SLAIN2: variants seen among roughly 807,000 people sequenced by gnomAD.
The protein encoded by SLAIN2 is SLAIN motif-containing protein 2.
SLAIN2 carries 31 observed loss-of-function variants against 56.6 expected under a neutral mutation model. The observed-to-expected ratio is 0.55, with a 90% CI of 0.41 to 0.74. SLAIN2 has a LOEUF of 0.74. Ranked by LOEUF, SLAIN2 falls within the 30% of genes least tolerant of loss-of-function variation. The pLI is 0.00. For missense variants in SLAIN2, 777 were observed against 754.2 expected (o/e 1.03, Z -0.35); for synonymous variants, 317 against 284.9 (o/e 1.11, Z -1.13).
chr4:48,353,481 A>T (rs1229583002), intron 1 of SLAIN2, among the ~76,000 whole-genome samples: 2 of 151,926 alleles, frequency 1.3e-5, no homozygotes, highest in Non-Finnish European at 2.9e-5. Context: ...AAAAAAGGAA[A>T]CTTTTTTTTT....
intron 2 of SLAIN2, among the ~76,000 whole-genome samples, chr4:48,375,376 GA>G (rs1715784654): frequency 6.6e-6 from 1 of 152,086 alleles, no homozygotes; most frequent in Admixed American, 6.5e-5. Context: ...TAACTAAACA[GA>G]AAACATATGT....
At chr4:48,362,393 CTCTCTG>C (rs1242940103) in intron 1 of SLAIN2, among the ~76,000 whole-genome samples, 3 of 151,048 alleles carry the variant, frequency 2.0e-5, no homozygotes, top group African/African-American at 7.3e-5. Flanking sequence ...TTCTCTCTCT[CTCTCTG>C]TCTCTGTCTC....
In SLAIN2 at chr4:48,382,770, G is replaced by C. The variant is rs758619571; in HGVS notation, c.1065G>C (p.Lys355Asn). The change falls in exon 5 of 8, where the codon AAG (lysine) becomes AAC (asparagine). Residue 355 changes from lysine (K) to asparagine (N), a missense_variant. Physicochemically the swap from Lys to Asn is moderately conservative, Grantham distance 94 (BLOSUM62 0). Transcript: ENST00000264313. ...GCAATTCACCTCGACCGTCACCTAA[G>C]CAGTCACCCAGAAATTCACCTCGTT... ...SPRNSPRPSP[K>N]QSPRNSPRSR... is the part of the protein sequence containing the mutation. The C allele has an allele frequency of 6.2e-7, 1 of 1,613,688 alleles. No homozygotes were observed. The highest frequency in any genetic ancestry group is 1.1e-5 in the South Asian group (1 of 91,076).
intron 6 of SLAIN2, among the ~76,000 whole-genome samples, chr4:48,387,075 T>C (rs1245771695): frequency 6.6e-6 from 1 of 152,156 alleles, no homozygotes; most frequent in Non-Finnish European, 1.5e-5. Flanking sequence ...CCAAACAGCA[T>C]CCCAGATACT....
At chr4:48,395,355 T>G (rs1017497868) in intron 6 of SLAIN2, among the ~76,000 whole-genome samples, 2 of 152,024 alleles carry the variant, frequency 1.3e-5, no homozygotes, top group African/African-American at 4.8e-5. Context: ...GGTTTTCTGA[T>G]AGCTTTAGAT....
chr4:48,361,028 T>C (rs1405040636), intron 1 of SLAIN2, among the ~76,000 whole-genome samples: 3 of 152,228 alleles, frequency 2.0e-5, no homozygotes, highest in Non-Finnish European at 4.4e-5. Context: ...TAGTCTCTTA[T>C]TAGAATGGGC....
intron 1 of SLAIN2, among the ~76,000 whole-genome samples, chr4:48,354,136 T>TA (rs371083135): frequency 3.4e-5 from 5 of 148,714 alleles, no homozygotes; most frequent in Non-Finnish European, 3.0e-5. Context: ...ACTTTCAAAT[T>TA]AAAAAAAAAA....
intron 6 of SLAIN2, among the ~76,000 whole-genome samples, chr4:48,391,943 T>C (rs1264741038): frequency 6.6e-6 from 1 of 152,230 alleles, no homozygotes; most frequent in East Asian, 1.9e-4. Flanking sequence ...GCATCTTTGC[T>C]TCTCACAGTA....
At position 48,369,839 on chromosome 4, in the gene SLAIN2, C is replaced by T. The variant is rs746871024; in HGVS notation, c.390-10C>T. On this transcript the variant is annotated splice_polypyrimidine_tract_variant and intron_variant, in intron 1 of 7. Transcript: ENST00000264313. ...TAAGGAATTTTCTGTTTTTTGTTGT[C>T]TTCTTCTAGGCTGTATTCATCACCA... The T allele has an allele frequency of 1.9e-6, 3 of 1,599,232 alleles. No individual in the cohort carries two copies. Among genetic ancestry groups the T allele is most frequent in the East Asian group, 2.2e-5 (1 of 44,604 alleles).
chr4:48,354,520 G>A (rs1715103771), intron 1 of SLAIN2, among the ~76,000 whole-genome samples: 1 of 151,974 alleles, frequency 6.6e-6, no homozygotes. Context: ...AGGCTGGAGT[G>A]CAGTGGAGCA....
intron 1 of SLAIN2, among the ~76,000 whole-genome samples, chr4:48,342,533 G>C (rs1234372919): frequency 1.3e-5 from 2 of 152,034 alleles, no homozygotes; most frequent in Non-Finnish European, 2.9e-5. Flanking sequence ...GGGTCTGCTT[G>C]ATGAGGTATC....
chr4:48,421,455 A>G (rs1261252351), intron 7 of SLAIN2, among the ~76,000 whole-genome samples: 1 of 152,190 alleles, frequency 6.6e-6, no homozygotes, highest in East Asian at 1.9e-4. Flanking sequence ...TGTGCTAAAT[A>G]AGTAAATGCT....
intron 6 of SLAIN2, among the ~76,000 whole-genome samples, chr4:48,418,301 G>A (rs775940629): frequency 1.3e-5 from 2 of 151,900 alleles, no homozygotes; most frequent in South Asian, 2.1e-4. Flanking sequence ...TAGGGTTTTT[G>A]TAGATGTTCT....
In SLAIN2 at chr4:48,425,968, A is replaced by T. The variant is rs1717288439; in HGVS notation, c.*3891A>T. On this transcript the variant is annotated 3_prime_UTR_variant, in exon 8 of 8. Coordinates refer to ENST00000264313, the MANE Select transcript of SLAIN2 (RefSeq NM_020846.2). ...TTAATGTTTTCTCTTTAAAAGAAAT[A>T]AAAAAATCTGTTTCTTCTGATTTCG... The T allele has an allele frequency of 6.6e-6, 1 of 152,158 alleles. No homozygotes were observed. Among genetic ancestry groups the T allele is most frequent in the Non-Finnish European group, 1.5e-5 (1 of 68,026 alleles). 9.4% of individuals were successfully genotyped at this position (152,158 alleles called of 1,614,324 possible).
Position 48,369,967 on chromosome 4 carries a change from C to T in SLAIN2, c.508C>T (p.Leu170Phe). The T allele has an allele frequency of 6.2e-7, 1 of 1,613,564 alleles. No homozygotes were observed. The change falls in exon 2 of 8, where the codon CTT (leucine) becomes TTT (phenylalanine). Residue 170 changes from leucine (L) to phenylalanine (F), a missense_variant. Physicochemically the swap from Leu to Phe is conservative, Grantham distance 22 (BLOSUM62 0). Transcript: ENST00000264313. ...SPDVECAKKS[L>F]IHKLDQTMSA... ...TGATGTTGAGTGTGCTAAAAAATCT[C>T]TTATCCACAAACTTGATCAAACTAT...
At chr4:48,418,191 G>C (rs1183308995) in intron 6 of SLAIN2, among the ~76,000 whole-genome samples, 1 of 133,230 alleles carries the variant, frequency 7.5e-6, no homozygotes, top group Non-Finnish European at 1.6e-5. Flanking sequence ...CTTGTTTATT[G>C]CACTGGCTAG....
intron 6 of SLAIN2, among the ~76,000 whole-genome samples, chr4:48,388,610 A>G (rs753557321): frequency 7.9e-5 from 12 of 152,330 alleles, no homozygotes; most frequent in Middle Eastern, 3.4e-3. Context: ...ACAAGGCCAT[A>G]TAACTAGGGA....
chr4:48,347,930 G>C (rs1453196624), intron 1 of SLAIN2, among the ~76,000 whole-genome samples: 13 of 152,302 alleles, frequency 8.5e-5, no homozygotes, highest in Middle Eastern at 3.4e-3. Context: ...CCATGTGGTA[G>C]AATGTGTCAT....
chr4:48,361,392 G>A (rs1715322998), intron 1 of SLAIN2, among the ~76,000 whole-genome samples: 1 of 152,206 alleles, frequency 6.6e-6, no homozygotes, highest in African/African-American at 2.4e-5. Flanking sequence ...GGAGGAAGGT[G>A]AGAAATGAAG....
Sources: gnomAD v4.1 joint callset for allele counts (sites outside exome capture counted in the v4.1 genomes callset) on GRCh38, gnomAD v4.1.1 for gene constraint, MANE v1.5 for transcripts, NCBI Gene and HGNC (gene_info 2026-07-23, HGNC 2026-07-21) for gene names.